YEATS2: variants seen among roughly 807,000 people sequenced by gnomAD.
YEATS2 encodes the protein YEATS domain containing 2, also known as YEATS domain-containing protein 2.
In YEATS2, 77 loss-of-function variants were observed where a neutral mutation model predicts 163.2. The observed-to-expected ratio is 0.47, with a 90% CI of 0.39 to 0.57. YEATS2 has a LOEUF of 0.57. Ranked by LOEUF, YEATS2 falls within the 20% of genes least tolerant of loss-of-function variation. YEATS2 has a pLI of 0.00. For synonymous variants in YEATS2, 631 were observed against 645.1 expected, an observed-to-expected ratio of 0.98 and a Z score of 0.33; for missense variants, 1,549 against 1,729.8, an observed-to-expected ratio of 0.90 and a Z score of 1.85.
At chr3:183,718,717 G>T (rs1716170420) in intron 4 of YEATS2, 125 bp downstream of exon 4, 1 of 801,650 alleles carries the variant, frequency 1.2e-6, no homozygotes, top group Non-Finnish European at 1.9e-6. Flanking sequence ...GTTTTTTTTT[G>T]AGACGGAGTC....
rs768731551 is a variant in YEATS2, at chr3:183,721,968, A to G, written c.369A>G (p.Ser123=). ...KKFLESPSRS[S]SPANQRAETP... ...TTTTGGAATCACCATCTAGGTCATC[A>G]TCTCCTGCCAATCAGAGAGCAGAAA... The change falls in exon 5 of 31, where the codon TCA becomes TCG. Residue 123 remains serine, a synonymous_variant. Transcript: ENST00000305135. The G allele has an allele frequency of 6.2e-7, 1 of 1,614,042 alleles. No individual in the cohort carries two copies. Among genetic ancestry groups the G allele is most frequent in the Non-Finnish European group, 8.5e-7 (1 of 1,180,038 alleles).
At chr3:183,701,556 T>G (rs77423300) in intron 1 of YEATS2, among the ~76,000 whole-genome samples, 2,635 of 151,928 alleles carry the variant, frequency 0.017, 83 homozygotes, top group East Asian at 0.15. Context: ...CCAGCTAATT[T>G]TTTTCTTTTT....
chr3:183,798,034 T>C lies in YEATS2; in HGVS notation c.3209T>C (p.Leu1070Pro). 1 of 1,613,910 alleles carries C rather than the reference T, an allele frequency of 6.2e-7. No individual in the cohort carries two copies. The highest frequency in any genetic ancestry group is 2.2e-5 in the East Asian group (1 of 44,872). ...ACATCTGGAGGGGTGCAGACGATCCTGATGCCTGTGAATAAAGGTGAGTCC... is the reference window on the plus strand; with the variant it reads ...ACATCTGGAGGGGTGCAGACGATCCCGATGCCTGTGAATAAAGGTGAGTCC... ...VNTSGGVQTI[L>P]MPVNKVVQSF... The change falls in exon 22 of 31, where the codon CTG becomes CCG. Residue 1070 changes from leucine to proline, a missense_variant. Leu to Pro is a moderately conservative substitution (Grantham distance 98, BLOSUM62 -3). Transcript: ENST00000305135.
intron 19 of YEATS2, 88 bp from the exon 20 acceptor site, chr3:183,786,037 A>T: frequency 6.9e-7 from 1 of 1,445,252 alleles, no homozygotes; most frequent in Non-Finnish European, 9.4e-7. Flanking sequence ...TCTCCAAGTC[A>T]TGGGGCGTAT....
At position 183,756,684 on chromosome 3, in the gene YEATS2, G is replaced by A. The variant is rs939073137; in HGVS notation, c.1547G>A (p.Ser516Asn). Residue 516 changes from serine to asparagine, a missense_variant, in exon 12 of 31, where the codon AGT (serine) becomes AAT (asparagine). Ser to Asn is a conservative substitution (Grantham distance 46). Coordinates refer to ENST00000305135, the MANE Select transcript of YEATS2 (RefSeq NM_018023.5). ...PGQVIGATTP[S>N]TGSPTNKIST... ...CAGGTGATTGGAGCCACCACTCCCA[G>A]TACAGGTGTGTATTAGATCCATATT... The A allele has an allele frequency of 6.4e-7, 1 of 1,563,856 alleles. No individual in the cohort carries two copies. The highest frequency in any genetic ancestry group is 8.7e-7 in the Non-Finnish European group (1 of 1,155,648).
In YEATS2 at chr3:183,771,542, C is replaced by CTTTTTTTT. The variant is rs1722462151; in HGVS notation, c.1948-763_1948-762insTTTTTTTT. Among the ~76,000 whole-genome samples the CTTTTTTTT allele has an allele frequency of 2.6e-4, 16 of 60,814 alleles. 1 individual carries two copies. Among genetic ancestry groups the CTTTTTTTT allele is most frequent in the East Asian group, 6.4e-4 (1 of 1,574 alleles). 39.9% of individuals were successfully genotyped at this position (60,814 alleles called of 152,430 possible). A position where few individuals can be genotyped will look rare whatever the true frequency, so the allele number is the denominator to read the frequency against. ...TTTTAATAGTTAAATATTATTCTTGCCTTTTTTTTTTTTTTTTTTTTTTCT... is the reference window on the plus strand; with the variant it reads ...TTTTAATAGTTAAATATTATTCTTGCTTTTTTTTCTTTTTTTTTTTTTTTTTTTTTTCT... On this transcript the variant is annotated intron_variant, in intron 15 of 30. Transcript: ENST00000305135.
rs1465170243 is a variant in YEATS2, at chr3:183,810,800, TGTCA to T, written c.*220_*223del. ...TTGTTTCCTGAGTGTGGAGTGAGGC[TGTCA>T]GTGGATCCGTGCTTTGTCGGCCAGC... On this transcript the variant is annotated 3_prime_UTR_variant, in exon 31 of 31. Coordinates refer to ENST00000305135, the MANE Select transcript of YEATS2 (RefSeq NM_018023.5). 1.8e-6 allele frequency: 1 copy of T among 541,008 alleles called. No homozygotes were observed. The highest frequency in any genetic ancestry group is 1.9e-5 in the African/African-American group (1 of 52,444). 33.5% of individuals were successfully genotyped at this position (541,008 alleles called of 1,614,324 possible). A position where few individuals can be genotyped will look rare whatever the true frequency, so the allele number is the denominator to read the frequency against.
intron 16 of YEATS2, 55 bp from the exon 17 acceptor site, chr3:183,773,578 A>C: frequency 1.4e-6 from 2 of 1,480,022 alleles, no homozygotes; most frequent in Non-Finnish European, 1.8e-6. Flanking sequence ...TTAATTTTAG[A>C]GTGTTGCCCT....
At chr3:183,726,676 A>G (rs1219270070) in intron 6 of YEATS2, among the ~76,000 whole-genome samples, 1 of 152,158 alleles carries the variant, frequency 6.6e-6, no homozygotes, top group East Asian at 1.9e-4. Context: ...CTCATTAGGC[A>G]TATTCCCTCT....
Position 183,762,107 on chromosome 3 carries a change from A to T in YEATS2, c.1775A>T (p.Lys592Ile), listed in dbSNP as rs1031557524. ...GLGAFTKVIIKQEPGEAPHVP... is the reference protein window; with the variant it reads ...GLGAFTKVIIIQEPGEAPHVP... ...TATGTTTGTTGCAAGGTGATCATCA[A>T]ACAGGAACCTGGTGAAGCCCCTCAC... The change falls in exon 15 of 31, where the codon AAA becomes ATA. Residue 592 changes from lysine (K) to isoleucine (I), a missense_variant. Transcript: ENST00000305135. 1 of 1,614,108 alleles carries T rather than the reference A, an allele frequency of 6.2e-7. No individual in the cohort carries two copies. Among genetic ancestry groups the T allele is most frequent in the Non-Finnish European group, 8.5e-7 (1 of 1,179,996 alleles).
At chr3:183,717,146 G>A (rs2109034777) in intron 2 of YEATS2, among the ~76,000 whole-genome samples, 1 of 152,048 alleles carries the variant, frequency 6.6e-6, no homozygotes, top group African/African-American at 2.4e-5. Flanking sequence ...ACCTGTCTGG[G>A]CCTCCTAGAG....
At chr3:183,803,947 GGATTT>G in intron 26 of YEATS2, 35 bp from the exon 27 acceptor site, 1 of 1,601,460 alleles carries the variant, frequency 6.2e-7, no homozygotes, top group Non-Finnish European at 8.6e-7. Flanking sequence ...TTAAGTGGAA[GGATTT>G]GATTATGGTT....
intron 23 of YEATS2, 114 bp downstream of exon 23, chr3:183,799,103 CT>C: frequency 1.2e-6 from 1 of 818,074 alleles, no homozygotes; most frequent in Non-Finnish European, 2.0e-6. Context: ...TAATCTGAAT[CT>C]TTTGAATTTT....
intron 21 of YEATS2, among the ~76,000 whole-genome samples, chr3:183,796,171 T>G (rs71318341): frequency 4.2e-5 from 6 of 141,536 alleles, no homozygotes; most frequent in Non-Finnish European, 7.7e-5. Flanking sequence ...TTTTTTTTTG[T>G]ATTTTTAGTA....
intron 1 of YEATS2, among the ~76,000 whole-genome samples, chr3:183,701,607 C>G (rs553223566): frequency 6.6e-6 from 1 of 151,544 alleles, no homozygotes; most frequent in East Asian, 2.0e-4. Context: ...TTGTCCAGGC[C>G]GGTCTTAAAC....
chr3:183,712,194 T>TTTATG (rs1278134054), intron 1 of YEATS2, among the ~76,000 whole-genome samples: 23 of 92,466 alleles, frequency 2.5e-4, no homozygotes, highest in African/African-American at 1.6e-3. Flanking sequence ...GTTCTTTTAT[T>TTTATG]TTATTTTATT....
chr3:183,701,146 A>G (rs531232976), intron 1 of YEATS2, among the ~76,000 whole-genome samples: 2 of 139,760 alleles, frequency 1.4e-5, no homozygotes, highest in African/African-American at 2.7e-5. Flanking sequence ...CAGTGGCGCA[A>G]TCTCAGCTCT....
At chr3:183,708,308 C>G (rs1343797800) in intron 1 of YEATS2, among the ~76,000 whole-genome samples, 1 of 151,766 alleles carries the variant, frequency 6.6e-6, no homozygotes, top group African/African-American at 2.4e-5. Context: ...ACTACAGGCA[C>G]TCGCCACCAC....
chr3:183,736,612 T>G, intron 7 of YEATS2, 106 bp from the exon 8 acceptor site: 1 of 752,776 alleles, frequency 1.3e-6, no homozygotes, highest in Non-Finnish European at 2.1e-6. Flanking sequence ...TCTAAATGAT[T>G]CTCAGAAGAC....
Sources: allele counts gnomAD v4.1 joint callset (sites outside exome capture counted in the v4.1 genomes callset), GRCh38; gene constraint gnomAD v4.1.1; transcripts MANE v1.5; gene names NCBI Gene and HGNC (gene_info 2026-07-23, HGNC 2026-07-21).